Variants in SCG5 observed in about 807,000 individuals in gnomAD.
The protein encoded by SCG5 is neuroendocrine protein 7B2.
Under a neutral mutation model 25.7 loss-of-function variants are expected in SCG5, and 18 were observed. That is an observed-to-expected ratio of 0.70 (90% CI 0.48 to 1.04). The LOEUF (loss-of-function observed/expected upper bound fraction) is 1.04. Ranked by LOEUF, SCG5 falls within the 50% of genes least tolerant of loss-of-function variation. The pLI is 0.00. For missense variants in SCG5, 206 were observed against 259.8 expected, an observed-to-expected ratio of 0.79 and a Z score of 1.42; for synonymous variants, 101 against 91.7, an observed-to-expected ratio of 1.10 and a Z score of -0.58.
intron 2 of SCG5, among the ~76,000 whole-genome samples, chr15:32,679,509 A>G (rs1017226989): frequency 6.6e-6 from 1 of 152,072 alleles, no homozygotes; most frequent in Admixed American, 6.6e-5. Context: ...CCCCTTTCCC[A>G]TGCTCTTGTG....
At chr15:32,661,210 G>A (rs929233633) in intron 2 of SCG5, among the ~76,000 whole-genome samples, 1 of 152,178 alleles carries the variant, frequency 6.6e-6, no homozygotes, top group African/African-American at 2.4e-5. Flanking sequence ...GTCAGAGCAG[G>A]GTTTACACCC....
chr15:32,655,893 A>G (rs12593101), intron 2 of SCG5, among the ~76,000 whole-genome samples: 21,832 of 152,190 alleles, frequency 0.14, 1,744 homozygotes, highest in Middle Eastern at 0.17. Flanking sequence ...GGTCTAAAGT[A>G]TTTTTTACAG....
intron 2 of SCG5, 46 bp downstream of exon 2, chr15:32,643,864 AATAAT>A (rs746851459): frequency 6.6e-7 from 1 of 1,523,800 alleles, no homozygotes; most frequent in South Asian, 1.1e-5. Flanking sequence ...TAGCATTTTA[AATAAT>A]ATATTTGCAC....
chr15:32,650,328 C>G (rs2054014359), intron 2 of SCG5, among the ~76,000 whole-genome samples: 1 of 152,188 alleles, frequency 6.6e-6, no homozygotes, highest in Admixed American at 6.5e-5. Flanking sequence ...GTCTCGATCT[C>G]CTGACCTCGT....
At chr15:32,665,604 C>G (rs1196624507) in intron 2 of SCG5, 1 of 152,154 alleles carries the variant, frequency 6.6e-6, no homozygotes, top group Non-Finnish European at 1.5e-5. Context: ...CAAAATTGCC[C>G]TTTCCATTGA....
At chr15:32,648,970 A>C (rs1465695591) in intron 2 of SCG5, among the ~76,000 whole-genome samples, 2 of 151,948 alleles carry the variant, frequency 1.3e-5, no homozygotes, top group Non-Finnish European at 2.9e-5. Context: ...ACGGGGTTTC[A>C]CCGTGTTAGC....
chr15:32,647,250 AATC>A (rs780376286), intron 2 of SCG5, among the ~76,000 whole-genome samples: 4 of 152,168 alleles, frequency 2.6e-5, no homozygotes, highest in African/African-American at 9.7e-5. Flanking sequence ...TTTCTAAACA[AATC>A]ATCATCATCA....
At chr15:32,647,079 T>C (rs902247160) in intron 2 of SCG5, among the ~76,000 whole-genome samples, 9 of 152,224 alleles carry the variant, frequency 5.9e-5, no homozygotes, top group African/African-American at 1.7e-4. Flanking sequence ...AGCTTCATCA[T>C]TTATTACTAA....
At chr15:32,662,780 C>T (rs770153463) in intron 2 of SCG5, among the ~76,000 whole-genome samples, 10 of 151,786 alleles carry the variant, frequency 6.6e-5, no homozygotes, top group Non-Finnish European at 1.0e-4. Context: ...CAGAGGTGTG[C>T]GGTCAGGATT....
intron 5 of SCG5, chr15:32,692,386 G>T (rs2054875266): frequency 2.2e-6 from 1 of 451,114 alleles, no homozygotes. Flanking sequence ...ACTTGGTCTA[G>T]ATACTCCACA....
chr15:32,696,197 A>G (rs1164182582), intron 5 of SCG5, among the ~76,000 whole-genome samples: 4 of 152,002 alleles, frequency 2.6e-5, no homozygotes, highest in African/African-American at 9.7e-5. Context: ...TGCTCACTGC[A>G]AGCTCCGCCT....
chr15:32,655,686 C>T (rs976943121), intron 2 of SCG5, among the ~76,000 whole-genome samples: 1 of 152,194 alleles, frequency 6.6e-6, no homozygotes, highest in Non-Finnish European at 1.5e-5. Flanking sequence ...GGACTTCACC[C>T]TTACAAATGG....
intron 5 of SCG5, among the ~76,000 whole-genome samples, chr15:32,694,385 T>C (rs1262566436): frequency 1.3e-5 from 2 of 152,234 alleles, no homozygotes; most frequent in Non-Finnish European, 2.9e-5. Context: ...GAATTCCTCA[T>C]TGCTTCACAA....
At chr15:32,670,653 G>C (rs1210619476) in intron 2 of SCG5, among the ~76,000 whole-genome samples, 1 of 152,216 alleles carries the variant, frequency 6.6e-6, no homozygotes, top group African/African-American at 2.4e-5. Context: ...TTCTCCGCTA[G>C]TGCTCATGAT....
In SCG5 at chr15:32,648,783, T is replaced by TA. The variant is rs1212922715; in HGVS notation, c.226+4975dup. On this transcript the variant is annotated intron_variant, in intron 2 of 5. Coordinates refer to ENST00000300175, the MANE Select transcript of SCG5 (RefSeq NM_001144757.3). ...CTGTTGCAGTCTCCTTTTTTTTTTT[T>TA]AAAAAAAAAACAGAGTCTCACTCTG... Among the ~76,000 whole-genome samples the TA allele has an allele frequency of 8.0e-3, 1,049 of 131,318 alleles. 18 individuals are homozygous for TA. Among genetic ancestry groups the TA allele is most frequent in the African/African-American group, 0.022 (861 of 38,528 alleles). The allele number at this position is 131,318 out of a possible 152,430, so 86.1% of individuals were successfully genotyped here.
chr15:32,670,384 C>G (rs537368086), intron 2 of SCG5, among the ~76,000 whole-genome samples: 1 of 152,366 alleles, frequency 6.6e-6, no homozygotes, highest in African/African-American at 2.4e-5. Flanking sequence ...GCCCTCTGCC[C>G]TGAGGCAAGT....
rs1434162337 is a variant in SCG5 at position 32,686,500 on chromosome 15, T to A, written c.489+1831T>A. Among the ~76,000 whole-genome samples the A allele has an allele frequency of 2.0e-5, 3 of 152,286 alleles. No individual in the cohort carries two copies. In the East Asian group the frequency reaches 5.8e-4, roughly 29 times the overall value. ...ACATGAAGAAGAAAGAAGAGATATG[T>A]CAGGTTCATATGAAATGGACAATAT... On this transcript the variant is annotated intron_variant, in intron 4 of 5. Coordinates refer to ENST00000300175, the MANE Select transcript of SCG5 (RefSeq NM_001144757.3).
chr15:32,696,022 A>G (rs1194778095), intron 5 of SCG5, among the ~76,000 whole-genome samples: 2 of 152,234 alleles, frequency 1.3e-5, no homozygotes, highest in Non-Finnish European at 2.9e-5. Flanking sequence ...CCACTGAGGT[A>G]TTAATTAGTA....
intron 2 of SCG5, among the ~76,000 whole-genome samples, chr15:32,675,621 C>T (rs142733177): frequency 7.2e-4 from 110 of 152,284 alleles, no homozygotes; most frequent in Non-Finnish European, 1.4e-3. Context: ...ACATTTATGT[C>T]GTCTATAGCA....
Sources: gnomAD v4.1 joint callset for allele counts (sites outside exome capture counted in the v4.1 genomes callset) on GRCh38, gnomAD v4.1.1 for gene constraint, MANE v1.5 for transcripts, NCBI Gene and HGNC (gene_info 2026-07-23, HGNC 2026-07-21) for gene names.